GRIP1: variants seen among roughly 807,000 people sequenced by gnomAD.
GRIP1 encodes glutamate receptor interacting protein 1.
A neutral mutation model predicts 129.9 loss-of-function variants in GRIP1; 45 were observed. That is an observed-to-expected ratio of 0.35 (90% CI 0.27 to 0.44). GRIP1 has a LOEUF of 0.44. GRIP1 is among the 20% of genes least tolerant of loss of function. The pLI, the probability that GRIP1 is intolerant of heterozygous loss-of-function variation, is 1.00. For missense variants in GRIP1, 1,196 were observed against 1,396.8 expected, an observed-to-expected ratio of 0.86 and a Z score of 2.29; for synonymous variants, 530 against 520.8, an observed-to-expected ratio of 1.02 and a Z score of -0.24.
chr12:66,465,136 G>C, intron 8 of GRIP1, 139 bp downstream of exon 8: 1 of 605,974 alleles, frequency 1.7e-6, no homozygotes, highest in Non-Finnish European at 3.0e-6. Context: ...AGTAGAGATG[G>C]GGTTTCACCA....
chr12:66,380,334 C>T (rs2056046817), intron 19 of GRIP1, among the ~76,000 whole-genome samples: 2 of 152,162 alleles, frequency 1.3e-5, no homozygotes, highest in South Asian at 4.1e-4. Flanking sequence ...TTATTTCAAC[C>T]AGGCACAAAC....
At chr12:66,354,058 T>C (rs1258491150) in intron 23 of GRIP1, among the ~76,000 whole-genome samples, 3 of 152,198 alleles carry the variant, frequency 2.0e-5, no homozygotes, top group Non-Finnish European at 4.4e-5. Flanking sequence ...TTATTTGCTC[T>C]GGAACCCCCA....
chr12:66,963,337 T>C (rs1197937754), intron 1 of GRIP1, among the ~76,000 whole-genome samples: 1 of 151,984 alleles, frequency 6.6e-6, no homozygotes, highest in Non-Finnish European at 1.5e-5. Context: ...ATAAAAATAA[T>C]GAAAGTTTAA....
intron 1 of GRIP1, among the ~76,000 whole-genome samples, chr12:66,986,944 G>A (rs1290847331): frequency 6.6e-6 from 1 of 151,958 alleles, no homozygotes; most frequent in Non-Finnish European, 1.5e-5. Context: ...GAAGCTCAGA[G>A]ACATCATATA....
intron 1 of GRIP1, among the ~76,000 whole-genome samples, chr12:66,939,288 A>G (rs1228018151): frequency 6.6e-6 from 1 of 152,154 alleles, no homozygotes; most frequent in Non-Finnish European, 1.5e-5. Flanking sequence ...TCAGGGCTGC[A>G]GTGAGCTACG....
chr12:66,977,807 ATT>A (rs200381983), intron 1 of GRIP1, among the ~76,000 whole-genome samples: 245 of 60,118 alleles, frequency 4.1e-3, no homozygotes, highest in African/African-American at 0.014. Flanking sequence ...AGAGCTGAGC[ATT>A]TTTTTTTTTT....
chr12:66,636,662 C>T (rs991766363), intron 1 of GRIP1, among the ~76,000 whole-genome samples: 7 of 151,742 alleles, frequency 4.6e-5, no homozygotes, highest in Non-Finnish European at 1.0e-4. Context: ...AAGCATGAAG[C>T]CCTGATCCAA....
intron 1 of GRIP1, among the ~76,000 whole-genome samples, chr12:66,935,741 C>T (rs758155450): frequency 4.6e-5 from 7 of 152,130 alleles, no homozygotes; most frequent in African/African-American, 1.7e-4. Context: ...GTACAGGAAT[C>T]GGAAGTGAGG....
chr12:66,525,372 G>C (rs747827862), intron 5 of GRIP1, among the ~76,000 whole-genome samples: 4 of 150,730 alleles, frequency 2.7e-5, no homozygotes, highest in Non-Finnish European at 3.0e-5. Context: ...AAGGCTGGTT[G>C]AATCTACACA....
chr12:66,542,393 G>A (rs750525815), intron 2 of GRIP1, among the ~76,000 whole-genome samples: 2 of 152,172 alleles, frequency 1.3e-5, no homozygotes, highest in Non-Finnish European at 2.9e-5. Flanking sequence ...AGGTTAGGAA[G>A]CCAACTGAAA....
intron 2 of GRIP1, among the ~76,000 whole-genome samples, chr12:66,555,472 G>A (rs1040616454): frequency 2.0e-5 from 3 of 152,096 alleles, no homozygotes; most frequent in East Asian, 1.9e-4. Flanking sequence ...AGACTGCGAC[G>A]ACTACAATAA....
chr12:66,950,542 C>T (rs2041740386), intron 1 of GRIP1, among the ~76,000 whole-genome samples: 1 of 151,768 alleles, frequency 6.6e-6, no homozygotes, highest in Non-Finnish European at 1.5e-5. Context: ...TAAATGAGTT[C>T]TAACCAATAT....
chr12:66,988,713 T>C (rs2042351525), intron 1 of GRIP1, among the ~76,000 whole-genome samples: 1 of 152,200 alleles, frequency 6.6e-6, no homozygotes, highest in African/African-American at 2.4e-5. Flanking sequence ...TGGTTGAGTT[T>C]GGTTCCATGT....
intron 1 of GRIP1, among the ~76,000 whole-genome samples, chr12:66,793,456 A>AAAC (rs1359958539): frequency 6.6e-6 from 1 of 152,214 alleles, no homozygotes; most frequent in East Asian, 1.9e-4. Context: ...GTGGGAAAAA[A>AAAC]AACAACAACA....
intron 15 of GRIP1, among the ~76,000 whole-genome samples, chr12:66,417,315 A>C (rs1337689547): frequency 6.6e-6 from 1 of 152,206 alleles, no homozygotes; most frequent in East Asian, 1.9e-4. Context: ...GCCATATACA[A>C]CAGAGCTGCT....
chr12:66,636,705 C>T (rs2031411651), intron 1 of GRIP1, among the ~76,000 whole-genome samples: 1 of 144,484 alleles, frequency 6.9e-6, no homozygotes, highest in African/African-American at 2.6e-5. Context: ...CAGGGGGAGA[C>T]ATTAGATCTC....
At chr12:66,507,445 G>GA (rs11381147) in intron 7 of GRIP1, among the ~76,000 whole-genome samples, 70,540 of 145,740 alleles carry the variant, frequency 0.48, 17,052 homozygotes, top group African/African-American at 0.59. Flanking sequence ...TTCAAAAAAA[G>GA]AAAAAAAAAA....
chr12:66,968,065 G>T (rs2042022068), intron 1 of GRIP1, among the ~76,000 whole-genome samples: 1 of 152,116 alleles, frequency 6.6e-6, no homozygotes, highest in South Asian at 2.1e-4. Flanking sequence ...TAGTCAATTT[G>T]TTATTTTGAA....
chr12:66,515,758 G>T lies in GRIP1; in HGVS notation c.585C>A (p.Gly195=). ...GCAACCTGTCACCGGGTTTGATCGT[G>T]CCCTCTCTGAAGGGAGAATAAAGGA... ...VRPGGPADRE[G]TIKPGDRLLS... The change falls in exon 7 of 25, where the codon GGC becomes GGA. Residue 195 remains glycine, a synonymous_variant. Transcript: ENST00000359742. 3 of 1,613,324 alleles carry T rather than the reference G, an allele frequency of 1.9e-6. No homozygotes were observed. Among genetic ancestry groups the T allele is most frequent in the Non-Finnish European group, 2.5e-6 (3 of 1,179,330 alleles).
Sources: allele counts gnomAD v4.1 joint callset (sites outside exome capture counted in the v4.1 genomes callset), GRCh38; gene constraint gnomAD v4.1.1; transcripts MANE v1.5; gene names NCBI Gene and HGNC (gene_info 2026-07-23, HGNC 2026-07-21).